Variants in LMO7 observed in about 807,000 individuals in gnomAD.
The protein encoded by LMO7 is LIM domain 7.
A neutral mutation model predicts 206.5 loss-of-function variants in LMO7; 120 were observed. The ratio of observed to expected loss-of-function variants is 0.58; its 90% CI spans 0.50 to 0.68. LMO7 has a LOEUF of 0.68. LMO7 is among the 30% of genes least tolerant of loss of function. The pLI is 0.00. For missense variants in LMO7, 1,959 were observed against 1,957.9 expected (o/e 1.00, Z -0.01); for synonymous variants, 706 against 681.5 (o/e 1.04, Z -0.56).
At chr13:75,733,780 A>T (rs1380697605) in intron 3 of LMO7, among the ~76,000 whole-genome samples, 2 of 151,980 alleles carry the variant, frequency 1.3e-5, no homozygotes, top group Non-Finnish European at 2.9e-5. Flanking sequence ...CTCCTCCCTT[A>T]TTTTAATTTT....
chr13:75,780,603 CA>C (rs2051182355), intron 4 of LMO7, among the ~76,000 whole-genome samples: 2 of 152,100 alleles, frequency 1.3e-5, no homozygotes, highest in South Asian at 4.1e-4. Context: ...ATCACAGGAT[CA>C]AGAGGCGACA....
intron 1 of LMO7, among the ~76,000 whole-genome samples, chr13:75,652,084 T>C (rs1196052627): frequency 2.6e-5 from 4 of 152,194 alleles, no homozygotes; most frequent in Non-Finnish European, 4.4e-5. Flanking sequence ...TATTTTGCTT[T>C]TTTATGATTG....
chr13:75,634,145 T>C (rs1282618231), upstream of LMO7, among the ~76,000 whole-genome samples: 1 of 152,006 alleles, frequency 6.6e-6, no homozygotes, highest in Non-Finnish European at 1.5e-5. Flanking sequence ...ATTGTACCAT[T>C]TAGGGGTGAA....
At chr13:75,855,479 C>A in intron 29 of LMO7, 111 bp downstream of exon 29, 1 of 618,934 alleles carries the variant, frequency 1.6e-6, no homozygotes, top group Non-Finnish European at 2.9e-6. Context: ...GTGCTGTATT[C>A]GTCCATCTGT....
intron 4 of LMO7, among the ~76,000 whole-genome samples, chr13:75,778,028 C>T (rs1594908464): frequency 6.6e-6 from 1 of 152,122 alleles, no homozygotes; most frequent in Non-Finnish European, 1.5e-5. Context: ...CACTGATTAC[C>T]CTTCTTCAGA....
upstream of LMO7, among the ~76,000 whole-genome samples, chr13:75,633,386 A>G (rs775189831): frequency 2.6e-5 from 4 of 152,210 alleles, no homozygotes; most frequent in Admixed American, 6.5e-5. Context: ...AATAAAAAGT[A>G]GTTGAACAAA....
At chr13:75,819,321 G>T in intron 12 of LMO7, 72 bp from the exon 13 acceptor site, 1 of 1,476,754 alleles carries the variant, frequency 6.8e-7, no homozygotes, top group East Asian at 2.4e-5. Flanking sequence ...AAGATACTCT[G>T]GCACATTCTG....
At chr13:75,674,171 A>G (rs940130934) in intron 1 of LMO7, among the ~76,000 whole-genome samples, 2 of 152,260 alleles carry the variant, frequency 1.3e-5, no homozygotes, top group Non-Finnish European at 2.9e-5. Flanking sequence ...ATAGAGAACA[A>G]TAGAAGACAG....
Position 75,730,022 on chromosome 13 carries a change from C to A in LMO7, c.210+2924C>A, listed in dbSNP as rs983299219. On this transcript the variant is annotated intron_variant, in intron 3 of 30. Transcript: ENST00000377534. Reference sequence around the variant, plus strand: ...AAGCTTTTTGATGTGCTGCTGGATTCGGTTTGCCAGTATTTTATTGAGGAT... The same window carrying A: ...AAGCTTTTTGATGTGCTGCTGGATTAGGTTTGCCAGTATTTTATTGAGGAT... 3.2e-4 allele frequency among the ~76,000 whole-genome samples: 49 copies of A among 151,604 alleles called. No individual in the cohort carries two copies. In the East Asian group the frequency reaches 7.7e-3, roughly 24 times the overall value.
At chr13:75,791,412 G>A (rs1409713435) in intron 4 of LMO7, among the ~76,000 whole-genome samples, 1 of 152,140 alleles carries the variant, frequency 6.6e-6, no homozygotes, top group African/African-American at 2.4e-5. Context: ...CATTGTATGA[G>A]TATTGTCTCC....
intron 11 of LMO7, among the ~76,000 whole-genome samples, chr13:75,809,414 C>T (rs1279773787): frequency 6.6e-6 from 1 of 152,084 alleles, no homozygotes; most frequent in Non-Finnish European, 1.5e-5. Flanking sequence ...CAGCTTCATC[C>T]CTTCTTTTTT....
At chr13:75,761,141 C>G (rs2048172379) in intron 4 of LMO7, 103 bp downstream of exon 4, 3 of 727,820 alleles carry the variant, frequency 4.1e-6, no homozygotes, top group Non-Finnish European at 6.6e-6. Flanking sequence ...CAGAAAAATT[C>G]TTCTGTTCTC....
upstream of LMO7, among the ~76,000 whole-genome samples, chr13:75,635,648 C>G (rs1030120767): frequency 6.6e-6 from 1 of 152,168 alleles, no homozygotes; most frequent in Non-Finnish European, 1.5e-5. Flanking sequence ...CCCTCAGCCG[C>G]GAGCCGGGGT....
Position 75,805,532 on chromosome 13 carries a change from G to C in LMO7, c.968G>C (p.Gly323Ala). 6.2e-7 allele frequency: 1 copy of C among 1,613,982 alleles called. No individual in the cohort carries two copies. The highest frequency in any genetic ancestry group is 2.2e-5 in the East Asian group (1 of 44,874). The change falls in exon 9 of 31, where the codon GGA (glycine) becomes GCA (alanine). Residue 323 changes from glycine to alanine, a missense_variant. Coordinates refer to ENST00000377534, the MANE Select transcript of LMO7 (RefSeq NM_001306080.2). ...GTGGAGAACTGGCCAACTGTACAAG[G>C]AACTTCAAAGTCCTCTTGTTATTTG... ...TNVENWPTVQ[G>A]TSKSSCYLEE...
chr13:75,768,941 A>G (rs1242368072), intron 4 of LMO7, among the ~76,000 whole-genome samples: 2 of 152,022 alleles, frequency 1.3e-5, no homozygotes, highest in Non-Finnish European at 2.9e-5. Context: ...GTTATTTGAA[A>G]TATTTGTTTT....
chr13:75,622,484 C>T (rs776278576), intron 1 of LMO7, among the ~76,000 whole-genome samples: 5 of 152,144 alleles, frequency 3.3e-5, no homozygotes, highest in Admixed American at 6.6e-5. Flanking sequence ...AGTCTTTTCT[C>T]ATTCTTTTTC....
intron 2 of LMO7, among the ~76,000 whole-genome samples, chr13:75,714,444 C>A (rs924055475): frequency 1.4e-4 from 21 of 152,084 alleles, no homozygotes; most frequent in African/African-American, 5.1e-4. Flanking sequence ...GCTCTGTTGG[C>A]AAGTGTTCAA....
intron 4 of LMO7, among the ~76,000 whole-genome samples, chr13:75,773,374 CT>C (rs1286512376): frequency 6.6e-6 from 1 of 152,108 alleles, no homozygotes; most frequent in Non-Finnish European, 1.5e-5. Context: ...TCACCAAAAA[CT>C]TTTGAGCAGA....
At chr13:75,633,544 A>C (rs1254217755), upstream of LMO7, among the ~76,000 whole-genome samples, 2 of 152,198 alleles carry the variant, frequency 1.3e-5, no homozygotes, top group East Asian at 3.9e-4. Flanking sequence ...TATGTTGAAG[A>C]CACCACAAAG....
Sources: gnomAD v4.1 joint callset for allele counts (sites outside exome capture counted in the v4.1 genomes callset) on GRCh38, gnomAD v4.1.1 for gene constraint, MANE v1.5 for transcripts, NCBI Gene and HGNC (gene_info 2026-07-23, HGNC 2026-07-21) for gene names.